The following NKAIN3 variants were observed in gnomAD, a reference collection of about 807,000 sequenced individuals.
NKAIN3 encodes the protein sodium/potassium transporting ATPase interacting 3.
NKAIN3 carries 25 observed loss-of-function variants against 30.2 expected under a neutral mutation model. That is an observed-to-expected ratio of 0.83 (90% confidence interval 0.60 to 1.16). The LOEUF (loss-of-function observed/expected upper bound fraction) is 1.16, where lower values mean the gene tolerates loss of function less well. Ranked by LOEUF, NKAIN3 falls within the 50% of genes most tolerant of loss-of-function variation. The pLI is 0.00. For synonymous variants in NKAIN3, 91 were observed against 89.6 expected (o/e 1.02, Z -0.09); for missense variants, 225 against 254.1 (o/e 0.89, Z 0.78).
At chr8:62,285,882 TG>T (rs1284060802) in intron 1 of NKAIN3, among the ~76,000 whole-genome samples, 1 of 152,198 alleles carries the variant, frequency 6.6e-6, no homozygotes, top group African/African-American at 2.4e-5. Context: ...AAGGAAATGC[TG>T]AATTGGATGC....
At chr8:62,292,906 AT>A (rs1367358546) in intron 1 of NKAIN3, among the ~76,000 whole-genome samples, 1 of 151,864 alleles carries the variant, frequency 6.6e-6, no homozygotes, top group East Asian at 1.9e-4. Flanking sequence ...ATAGTCCCAT[AT>A]TTCTTGGAGG....
At chr8:62,699,553 T>G (rs1255895527) in intron 3 of NKAIN3, among the ~76,000 whole-genome samples, 1 of 152,214 alleles carries the variant, frequency 6.6e-6, no homozygotes, top group African/African-American at 2.4e-5. Flanking sequence ...TTTTCTATCA[T>G]TTGGCAGTGA....
At chr8:62,613,012 T>G (rs1042397649) in intron 3 of NKAIN3, among the ~76,000 whole-genome samples, 4 of 150,014 alleles carry the variant, frequency 2.7e-5, no homozygotes, top group Non-Finnish European at 5.9e-5. Flanking sequence ...TTTTGATTGG[T>G]TCACTATTTT....
intron 3 of NKAIN3, among the ~76,000 whole-genome samples, chr8:62,728,914 C>T (rs1359155256): frequency 6.6e-6 from 1 of 150,410 alleles, no homozygotes; most frequent in Admixed American, 6.6e-5. Flanking sequence ...GGCGTGAACC[C>T]GGAAGGCGGA....
At chr8:62,786,543 C>T (rs553918804) in intron 4 of NKAIN3, among the ~76,000 whole-genome samples, 1 of 152,040 alleles carries the variant, frequency 6.6e-6, no homozygotes, top group South Asian at 2.1e-4. Flanking sequence ...AAAACACCTA[C>T]AGAGGGTCCA....
intron 3 of NKAIN3, among the ~76,000 whole-genome samples, chr8:62,721,781 C>T (rs1187754300): frequency 2.0e-5 from 3 of 152,182 alleles, no homozygotes; most frequent in African/African-American, 4.8e-5. Flanking sequence ...CATTTGAAGA[C>T]TCCTTGTGTG....
At chr8:62,751,933 A>C (rs1490459990) in intron 4 of NKAIN3, among the ~76,000 whole-genome samples, 1 of 151,678 alleles carries the variant, frequency 6.6e-6, no homozygotes, top group Admixed American at 6.6e-5. Context: ...ATAATCATTG[A>C]GTTTCTATTC....
At chr8:62,464,053 T>C (rs1308642434) in intron 1 of NKAIN3, among the ~76,000 whole-genome samples, 1 of 152,138 alleles carries the variant, frequency 6.6e-6, no homozygotes, top group Non-Finnish European at 1.5e-5. Flanking sequence ...GAAATCCACA[T>C]AAGTGATTTA....
chr8:62,790,553 G>A (rs1817673540), intron 4 of NKAIN3, among the ~76,000 whole-genome samples: 1 of 145,744 alleles, frequency 6.9e-6, no homozygotes, highest in South Asian at 2.3e-4. Flanking sequence ...TTTTCCTTGT[G>A]TGTGTGTGTG....
At chr8:62,587,704 G>T (rs761027078) in intron 2 of NKAIN3, among the ~76,000 whole-genome samples, 11 of 152,072 alleles carry the variant, frequency 7.2e-5, no homozygotes, top group Non-Finnish European at 1.5e-4. Context: ...ATGATTGAAT[G>T]ACATGATATA....
rs528077562 is a variant in NKAIN3 at position 62,969,924 on chromosome 8, G to C, written c.*4517G>C. On this transcript the variant is annotated 3_prime_UTR_variant, in exon 7 of 7. Transcript: ENST00000623646. ...GAAAGGGAACAGATGACCAGACACA[G>C]TGGCTCATGCCTGTAATCCCAAAGC... Among the ~76,000 whole-genome samples, 3 of 152,288 alleles carry C rather than the reference G, an allele frequency of 2.0e-5. No individual in the cohort carries two copies. Among genetic ancestry groups the C allele is most frequent in the East Asian group, 3.9e-4 (2 of 5,182 alleles).
At chr8:62,945,033 C>A (rs556932031) in intron 5 of NKAIN3, among the ~76,000 whole-genome samples, 3 of 152,260 alleles carry the variant, frequency 2.0e-5, no homozygotes, top group African/African-American at 7.2e-5. Flanking sequence ...TTTTTTAAGA[C>A]CTGCTTTGTA....
intron 4 of NKAIN3, among the ~76,000 whole-genome samples, chr8:62,825,267 C>T (rs1348695951): frequency 6.6e-6 from 1 of 152,168 alleles, no homozygotes; most frequent in South Asian, 2.1e-4. Context: ...TTATAACTCC[C>T]ATGGACTATT....
chr8:62,548,926 A>G (rs937856679), intron 1 of NKAIN3, among the ~76,000 whole-genome samples: 13 of 146,934 alleles, frequency 8.8e-5, no homozygotes, highest in Non-Finnish European at 1.7e-4. Context: ...TACAGTTTTC[A>G]GTAAGTTACA....
chr8:62,883,789 AAT>A (rs1358683885), intron 4 of NKAIN3, among the ~76,000 whole-genome samples: 1 of 151,894 alleles, frequency 6.6e-6, no homozygotes, highest in Non-Finnish European at 1.5e-5. Flanking sequence ...TTTGGATTTA[AAT>A]TGCTCTTCTT....
intron 5 of NKAIN3, among the ~76,000 whole-genome samples, chr8:62,941,526 C>A (rs545167122): frequency 1.4e-4 from 22 of 152,124 alleles, no homozygotes; most frequent in Admixed American, 1.2e-3. Context: ...AGTAGCTAAC[C>A]AAATCCAATA....
intron 4 of NKAIN3, among the ~76,000 whole-genome samples, chr8:62,778,962 G>T (rs573623030): frequency 1.3e-5 from 2 of 151,984 alleles, no homozygotes; most frequent in African/African-American, 4.8e-5. Flanking sequence ...TCCCTTCAAG[G>T]CCACAGGTTT....
intron 1 of NKAIN3, among the ~76,000 whole-genome samples, chr8:62,359,863 T>C (rs887306038): frequency 4.6e-5 from 7 of 152,094 alleles, no homozygotes; most frequent in African/African-American, 1.4e-4. Context: ...GTGTAAAAAG[T>C]AGATGGAAAT....
chr8:62,849,176 A>C (rs993407136), intron 4 of NKAIN3, among the ~76,000 whole-genome samples: 5 of 151,824 alleles, frequency 3.3e-5, no homozygotes, highest in African/African-American at 1.2e-4. Context: ...GTGGCCTCAT[A>C]GAATAAGTTA....
Sources: allele counts gnomAD v4.1 joint callset (sites outside exome capture counted in the v4.1 genomes callset), GRCh38; gene constraint gnomAD v4.1.1; transcripts MANE v1.5; gene names NCBI Gene and HGNC (gene_info 2026-07-23, HGNC 2026-07-21).